Variants in HPSE2 observed in about 807,000 individuals in gnomAD.
HPSE2 encodes heparanase 2 (inactive).
A neutral mutation model predicts 60.5 loss-of-function variants in HPSE2; 38 were observed. The observed-to-expected ratio is 0.63, with a 90% confidence interval of 0.48 to 0.82. HPSE2 has a LOEUF of 0.82. HPSE2 is among the 40% of genes least tolerant of loss of function. The pLI, the probability that HPSE2 is intolerant of heterozygous loss-of-function variation, is 0.00. For synonymous variants in HPSE2, 295 were observed against 293.2 expected (o/e 1.01, Z -0.06); for missense variants, 713 against 740.4 (o/e 0.96, Z 0.43).
intron 3 of HPSE2, among the ~76,000 whole-genome samples, chr10:98,777,904 G>A (rs1950376446): frequency 6.6e-6 from 1 of 152,114 alleles, no homozygotes; most frequent in Admixed American, 6.6e-5. Context: ...GAAACATGAT[G>A]TGGTCCTTCA....
intron 9 of HPSE2, among the ~76,000 whole-genome samples, chr10:98,502,673 T>G (rs1942065681): frequency 6.6e-6 from 1 of 151,946 alleles, no homozygotes; most frequent in African/African-American, 2.4e-5. Flanking sequence ...CAAAAGCAAA[T>G]GCAATAAAAA....
At chr10:99,055,476 G>A (rs979238579) in intron 3 of HPSE2, among the ~76,000 whole-genome samples, 6 of 152,066 alleles carry the variant, frequency 3.9e-5, no homozygotes, top group African/African-American at 1.4e-4. Flanking sequence ...ACGGATATTT[G>A]GAACAATATA....
the HPSE2 span, among the ~76,000 whole-genome samples, chr10:99,263,564 C>A: frequency 1.3e-5 from 2 of 152,188 alleles, no homozygotes; most frequent in Non-Finnish European, 2.9e-5. Flanking sequence ...GATTCCATCA[C>A]TCAGGGGAAC....
chr10:98,721,820 T>C lies in HPSE2; in HGVS notation c.793A>G (p.Asn265Asp). ...ISWELGNEPNNYRTMHGRAVN... is the reference protein window; with the variant it reads ...ISWELGNEPNDYRTMHGRAVN... ...GCCCGGCCATGCATGGTCCGATAGTTATTTGGCTCTAGATTAAAAGCAGAC... is the reference window on the plus strand; with the variant it reads ...GCCCGGCCATGCATGGTCCGATAGTCATTTGGCTCTAGATTAAAAGCAGAC... The change falls in exon 5 of 12, where the codon AAC becomes GAC. Residue 265 changes from asparagine (N) to aspartate (D), a missense_variant. Physicochemically the swap from Asn to Asp is conservative, Grantham distance 23. Transcript: ENST00000370552. The C allele has an allele frequency of 6.2e-7, 1 of 1,613,488 alleles. No homozygotes were observed.
At chr10:98,864,419 A>G (rs1282307052) in intron 3 of HPSE2, among the ~76,000 whole-genome samples, 1 of 152,170 alleles carries the variant, frequency 6.6e-6, no homozygotes. Flanking sequence ...CACTCCACCA[A>G]GTACCAATTT....
chr10:98,936,978 CAAAAAAAAAAAAAAAAA>C (rs1214450704), intron 3 of HPSE2, among the ~76,000 whole-genome samples: 1 of 31,004 alleles, frequency 3.2e-5, no homozygotes, highest in African/African-American at 1.2e-4. Flanking sequence ...GACTCCATCT[CAAAAAAAAAAAAAAAAA>C]AAAAAAAAAA....
At chr10:98,859,509 T>C (rs1298073871) in intron 3 of HPSE2, among the ~76,000 whole-genome samples, 1 of 152,148 alleles carries the variant, frequency 6.6e-6, no homozygotes, top group Non-Finnish European at 1.5e-5. Flanking sequence ...CCAAATAGTA[T>C]AAAAAGTGGA....
chr10:98,695,540 C>T (rs1052541378), intron 5 of HPSE2, among the ~76,000 whole-genome samples: 2 of 152,136 alleles, frequency 1.3e-5, no homozygotes, highest in Non-Finnish European at 1.5e-5. Flanking sequence ...CTTAAAAATG[C>T]CTTGCTTGGT....
intron 9 of HPSE2, among the ~76,000 whole-genome samples, chr10:98,608,948 T>C (rs567501155): frequency 1.2e-4 from 18 of 152,254 alleles, no homozygotes; most frequent in Admixed American, 1.2e-3. Flanking sequence ...TCATACACCC[T>C]GTGTGGCCAC....
intron 3 of HPSE2, among the ~76,000 whole-genome samples, chr10:98,781,184 C>T (rs2134452318): frequency 6.6e-6 from 1 of 151,866 alleles, no homozygotes; most frequent in East Asian, 1.9e-4. Flanking sequence ...AGTGCTACAG[C>T]ATAGCATAGC....
In HPSE2 at chr10:99,043,720, T is replaced by C. The variant is rs1249050948; in HGVS notation, c.610+100518A>G. ...AAAATTCACTACAAGAATTTTGTAA[T>C]ACAATCAGAAGCATTAATAGTAGAA... is the stretch of plus-strand genomic sequence containing the variant. On this transcript the variant is annotated intron_variant, in intron 3 of 11. Transcript: ENST00000370552. 3.3e-5 allele frequency among the ~76,000 whole-genome samples: 5 copies of C among 152,234 alleles called. No homozygotes were observed. In the East Asian group the frequency reaches 5.8e-4, roughly 18 times the overall value.
intron 9 of HPSE2, among the ~76,000 whole-genome samples, chr10:98,586,674 G>A (rs1944948941): frequency 6.6e-6 from 1 of 152,194 alleles, no homozygotes; most frequent in Non-Finnish European, 1.5e-5. Flanking sequence ...TTAAAGAGTT[G>A]AGGACATACT....
At chr10:99,151,966 T>C (rs1196728857) in intron 2 of HPSE2, among the ~76,000 whole-genome samples, 2 of 151,848 alleles carry the variant, frequency 1.3e-5, no homozygotes, top group Non-Finnish European at 2.9e-5. Flanking sequence ...AATTCTATGT[T>C]CAGCAAAACT....
At chr10:98,535,334 T>A (rs936290514) in intron 9 of HPSE2, among the ~76,000 whole-genome samples, 20 of 152,114 alleles carry the variant, frequency 1.3e-4, no homozygotes, top group African/African-American at 1.9e-4. Context: ...GTTTTTTTTT[T>A]AATTCTCTTC....
chr10:98,491,485 T>C (rs911369364), intron 9 of HPSE2, among the ~76,000 whole-genome samples: 4 of 152,206 alleles, frequency 2.6e-5, no homozygotes, highest in African/African-American at 9.6e-5. Flanking sequence ...ATGCTCAAAT[T>C]TGATTACAAT....
intron 3 of HPSE2, among the ~76,000 whole-genome samples, chr10:98,821,130 G>C (rs368683528): frequency 6.6e-6 from 1 of 152,172 alleles, no homozygotes; most frequent in African/African-American, 2.4e-5. Context: ...ATAAATGACA[G>C]ATTAAAATAT....
intron 6 of HPSE2, among the ~76,000 whole-genome samples, chr10:98,648,373 T>G (rs1946830439): frequency 1.3e-5 from 2 of 152,172 alleles, no homozygotes; most frequent in Admixed American, 1.3e-4. Flanking sequence ...CTAAAAATTT[T>G]CAGAATAGTA....
At chr10:99,304,657 C>A in the HPSE2 span, among the ~76,000 whole-genome samples, 3 of 152,182 alleles carry the variant, frequency 2.0e-5, no homozygotes, top group Non-Finnish European at 4.4e-5. Context: ...GAGAACCATT[C>A]ATAGGTGATG....
At chr10:99,255,821 C>T in the HPSE2 span, among the ~76,000 whole-genome samples, 1 of 152,132 alleles carries the variant, frequency 6.6e-6, no homozygotes, top group African/African-American at 2.4e-5. Context: ...GAAACTTAAT[C>T]CCCAGTTGCA....
Sources: gnomAD v4.1 joint callset for allele counts (sites outside exome capture counted in the v4.1 genomes callset) on GRCh38, gnomAD v4.1.1 for gene constraint, MANE v1.5 for transcripts, NCBI Gene and HGNC (gene_info 2026-07-23, HGNC 2026-07-21) for gene names.